PLCE1: variants seen among roughly 807,000 people sequenced by gnomAD.
PLCE1 encodes phospholipase C epsilon 1, also known as 1-phosphatidylinositol 4,5-bisphosphate phosphodiesterase epsilon-1.
PLCE1 carries 119 observed loss-of-function variants against 242.8 expected under a neutral mutation model. The ratio of observed to expected loss-of-function variants is 0.49; its 90% CI spans 0.42 to 0.57. The LOEUF (loss-of-function observed/expected upper bound fraction) is 0.57. PLCE1 is among the 20% of genes least tolerant of loss of function. The pLI is 0.00. For missense variants in PLCE1, 2,441 were observed against 2,788.8 expected, an observed-to-expected ratio of 0.88 and a Z score of 2.81; for synonymous variants, 945 against 1,017.4, an observed-to-expected ratio of 0.93 and a Z score of 1.35.
chr10:94,311,712 T>G (rs1477301033), intron 27 of PLCE1, among the ~76,000 whole-genome samples: 1 of 152,162 alleles, frequency 6.6e-6, no homozygotes, highest in East Asian at 1.9e-4. Context: ...TCCTAATTGG[T>G]CTCATTTCCT....
In PLCE1 at chr10:94,332,019, G is replaced by C. The variant is rs1397526790; in HGVS notation, c.*4076G>C. The C allele has an allele frequency of 6.6e-6, 1 of 151,900 alleles. No individual in the cohort carries two copies. The highest frequency in any genetic ancestry group is 1.5e-5 in the Non-Finnish European group (1 of 68,062). The allele number at this position is 151,900 out of a possible 1,614,324, so 9.4% of individuals were successfully genotyped here. On this transcript the variant is annotated 3_prime_UTR_variant, in exon 33 of 33. Transcript: ENST00000371380. ...CCCAAGTAGCTGGGACTACAGGTGT[G>C]CGCCATGTCCGTCTAATTTTTTTTA...
At chr10:94,172,061 G>C (rs2048000658) in intron 4 of PLCE1, among the ~76,000 whole-genome samples, 2 of 152,130 alleles carry the variant, frequency 1.3e-5, no homozygotes, top group Non-Finnish European at 2.9e-5. Flanking sequence ...AAGCCTCTGA[G>C]ACCACATTAG....
At chr10:94,256,459 T>C (rs149073367) in intron 11 of PLCE1, among the ~76,000 whole-genome samples, 12 of 152,314 alleles carry the variant, frequency 7.9e-5, no homozygotes, top group Non-Finnish European at 8.8e-5. Context: ...TAATTTATGC[T>C]TTATACATTC....
At chr10:93,998,768 G>C (rs2060877980) in intron 1 of PLCE1, among the ~76,000 whole-genome samples, 1 of 151,970 alleles carries the variant, frequency 6.6e-6, no homozygotes, top group South Asian at 2.1e-4. Context: ...TACCAAAGAT[G>C]TCCAAGTCTG....
chr10:94,279,904 T>C lies in PLCE1; in HGVS notation c.4788T>C (p.Leu1596=), dbSNP rs1564856425. Residue 1596 remains leucine, a synonymous_variant, in exon 20 of 33, where the codon CTT becomes CTC. Coordinates refer to ENST00000371380, the MANE Select transcript of PLCE1 (RefSeq NM_016341.4). ...AATATGATTATGACTATGAATCCCT[T>C]TCTGATGGTAAGAGAAACAGATCCC... ...EDEYDYDYES[L]SDDNILEDRP... 2 of 1,613,660 alleles carry C rather than the reference T, an allele frequency of 1.2e-6. No homozygotes were observed.
chr10:94,317,246 C>A (rs1428266940), intron 29 of PLCE1, among the ~76,000 whole-genome samples: 1 of 151,982 alleles, frequency 6.6e-6, no homozygotes, highest in African/African-American at 2.4e-5. Context: ...CAGAACAAGA[C>A]TCTGTCTCAA....
intron 1 of PLCE1, among the ~76,000 whole-genome samples, chr10:94,019,004 G>T (rs764011186): frequency 5.3e-5 from 8 of 152,166 alleles, no homozygotes; most frequent in Non-Finnish European, 1.2e-4. Context: ...AATAATATTT[G>T]ATGACTCTGG....
At chr10:94,202,135 G>A (rs1235259296) in intron 4 of PLCE1, among the ~76,000 whole-genome samples, 1 of 152,060 alleles carries the variant, frequency 6.6e-6, no homozygotes, top group Admixed American at 6.6e-5. Context: ...CAATTTACAG[G>A]TGTTACAGAA....
chr10:94,324,761 A>C (rs1215282648), intron 31 of PLCE1, 131 bp from the exon 32 acceptor site: 2 of 1,020,556 alleles, frequency 2.0e-6, no homozygotes, highest in East Asian at 5.0e-5. Context: ...GCAGTCCTAG[A>C]GGGGAGCTCC....
In PLCE1 at chr10:94,113,740, C is replaced by T. The variant is rs528572672; in HGVS notation, c.1207-18434C>T. ...GTATTCTAATAGCAATGTGACGATG[C>T]GGGAATGGGAGTGGCAGTGGGCAGG... On this transcript the variant is annotated intron_variant, in intron 2 of 32. Coordinates refer to ENST00000371380, the MANE Select transcript of PLCE1 (RefSeq NM_016341.4). Among the ~76,000 whole-genome samples the T allele has an allele frequency of 2.6e-5, 4 of 152,032 alleles. No individual in the cohort carries two copies. The South Asian group carries it at 6.2e-4, about 24-fold the overall frequency.
intron 1 of PLCE1, among the ~76,000 whole-genome samples, chr10:94,003,778 G>T (rs1374163354): frequency 6.6e-6 from 1 of 152,150 alleles, no homozygotes; most frequent in Non-Finnish European, 1.5e-5. Flanking sequence ...TTGTGCTCTT[G>T]TAAGAAGTTT....
At chr10:94,164,491 T>A (rs572725120) in intron 3 of PLCE1, among the ~76,000 whole-genome samples, 1 of 152,350 alleles carries the variant, frequency 6.6e-6, no homozygotes, top group East Asian at 1.9e-4. Flanking sequence ...GTGCCATAGT[T>A]TTCAGCTGGA....
chr10:94,117,968 T>C (rs2046184895), intron 2 of PLCE1, among the ~76,000 whole-genome samples: 1 of 152,220 alleles, frequency 6.6e-6, no homozygotes, highest in Admixed American at 6.5e-5. Context: ...CGCCTGATTG[T>C]TTCAACAAAA....
intron 22 of PLCE1, among the ~76,000 whole-genome samples, chr10:94,291,090 G>T (rs1183023554): frequency 6.6e-6 from 1 of 152,184 alleles, no homozygotes; most frequent in Non-Finnish European, 1.5e-5. Context: ...CTTCCAGACA[G>T]ATTAGGATTT....
chr10:94,060,475 A>G (rs2044017795), intron 2 of PLCE1, among the ~76,000 whole-genome samples: 1 of 152,140 alleles, frequency 6.6e-6, no homozygotes, highest in Admixed American at 6.5e-5. Flanking sequence ...CTTGCTGTAA[A>G]TGTCTGTTTC....
chr10:94,257,730 T>C (rs1287399605), intron 11 of PLCE1, among the ~76,000 whole-genome samples: 1 of 152,094 alleles, frequency 6.6e-6, no homozygotes, highest in African/African-American at 2.4e-5. Context: ...ATGAGAACAC[T>C]TGGACACAGG....
chr10:94,246,007 G>A lies in PLCE1; in HGVS notation c.2482G>A (p.Asp828Asn), dbSNP rs752538893. 9 of 1,613,838 alleles carry A rather than the reference G, an allele frequency of 5.6e-6. No homozygotes were observed. Among genetic ancestry groups the A allele is most frequent in the Admixed American group, 5.0e-5 (3 of 59,994 alleles). Residue 828 changes from aspartate (D) to asparagine (N), a missense_variant, in exon 8 of 33, where the codon GAC (aspartate) becomes AAC (asparagine). Physicochemically the swap from Asp to Asn is conservative, Grantham distance 23. Around this residue, in one of 5 missense-constraint regions of PLCE1, gnomAD observed 733 missense variants for 754.2 expected, o/e 0.97. Transcript: ENST00000371380. ...CATCTTTGAGCAATCCAAAGAATACGACTCTCATGGTTCAGAGGACTCACA... is the reference window on the plus strand; with the variant it reads ...CATCTTTGAGCAATCCAAAGAATACAACTCTCATGGTTCAGAGGACTCACA... ...NDIFEQSKEY[D>N]SHGSEDSQKA...
Position 94,316,675 on chromosome 10 carries a change from AGAG to A in PLCE1, c.6265_6267del (p.Glu2089del). ...CATTCCAGAGAGCCATTGGTCCAGA[AGAG>A]GAGATCATGCAAATTTTAAGCAGCT... On this transcript the variant is annotated inframe_deletion, in exon 29 of 33. Coordinates refer to ENST00000371380, the MANE Select transcript of PLCE1 (RefSeq NM_016341.4). 1.9e-6 allele frequency: 3 copies of A among 1,614,012 alleles called. No homozygotes were observed. The highest frequency in any genetic ancestry group is 2.5e-6 in the Non-Finnish European group (3 of 1,179,856).
chr10:94,087,111 G>C (rs954581324), intron 2 of PLCE1, among the ~76,000 whole-genome samples: 7 of 152,074 alleles, frequency 4.6e-5, no homozygotes, highest in Admixed American at 1.3e-4. Context: ...CCTTTGGGAG[G>C]CCAAGGCATG....
Sources: allele counts gnomAD v4.1 joint callset (sites outside exome capture counted in the v4.1 genomes callset), GRCh38; gene constraint gnomAD v4.1.1; regional missense constraint gnomAD v4.1.1; transcripts MANE v1.5; gene names NCBI Gene and HGNC (gene_info 2026-07-23, HGNC 2026-07-21).